Variants in RAB27B observed in about 807,000 individuals in gnomAD.
RAB27B encodes RAB27B, member RAS oncogene family.
RAB27B carries 15 observed loss-of-function variants against 24.6 expected under a neutral mutation model. The observed-to-expected ratio is 0.61, with a 90% CI of 0.41 to 0.94. The LOEUF (loss-of-function observed/expected upper bound fraction) is 0.94. Ranked by LOEUF, RAB27B falls within the 40% of genes least tolerant of loss-of-function variation. RAB27B has a pLI of 0.00. For missense variants in RAB27B, 261 were observed against 266.8 expected (o/e 0.98, Z 0.15); for synonymous variants, 105 against 92.5 (o/e 1.14, Z -0.78).
chr18:54,853,203 A>G (rs1305458101), intron 1 of RAB27B, among the ~76,000 whole-genome samples: 4 of 152,154 alleles, frequency 2.6e-5, no homozygotes, highest in Non-Finnish European at 4.4e-5. Context: ...TAACTTGGCA[A>G]TGTGTCAGTG....
At chr18:54,726,729 A>G (rs1909549907) in intron 2 of RAB27B, among the ~76,000 whole-genome samples, 1 of 151,490 alleles carries the variant, frequency 6.6e-6, no homozygotes, top group South Asian at 2.1e-4. Context: ...TCTTTGTATA[A>G]ACACTTCTAC....
chr18:54,777,394 C>T (rs1908750040), intron 2 of RAB27B, among the ~76,000 whole-genome samples: 1 of 152,148 alleles, frequency 6.6e-6, no homozygotes, highest in African/African-American at 2.4e-5. Context: ...AATGCATTGA[C>T]TTGAAAACTG....
rs200243724 is a variant in RAB27B, at chr18:54,888,125, C to T, written c.467+7C>T. 7 of 1,611,986 alleles carry T rather than the reference C, an allele frequency of 4.3e-6. No homozygotes were observed. In the Admixed American group the frequency reaches 1.2e-4, roughly 27 times the overall value. ...AACTGGCTGACAAATATGGGTAAGT[C>T]AGTTACACTGAGATGGCATGTGACT... On this transcript the variant is annotated splice_region_variant and intron_variant, in intron 5 of 5. Coordinates refer to ENST00000262094, the MANE Select transcript of RAB27B (RefSeq NM_004163.4).
chr18:54,724,064 T>C (rs886716393), intron 2 of RAB27B, among the ~76,000 whole-genome samples: 2 of 144,006 alleles, frequency 1.4e-5, no homozygotes, highest in African/African-American at 5.0e-5. Flanking sequence ...GTTTTTCAAA[T>C]GTGATTTTAG....
intron 2 of RAB27B, among the ~76,000 whole-genome samples, chr18:54,726,623 T>C (rs1205344257): frequency 6.6e-6 from 1 of 151,676 alleles, no homozygotes; most frequent in Admixed American, 6.6e-5. Flanking sequence ...ATTTTACCCA[T>C]ATTTTGAAGG....
chr18:54,782,350 G>A (rs4801067), intron 2 of RAB27B, among the ~76,000 whole-genome samples: 80,862 of 152,004 alleles, frequency 0.53, 22,495 homozygotes, highest in Middle Eastern at 0.63. Flanking sequence ...AAATTTAATC[G>A]TAAAGCCAAA....
intron 5 of RAB27B, among the ~76,000 whole-genome samples, chr18:54,888,862 A>G (rs1913251280): frequency 6.6e-6 from 1 of 152,152 alleles, no homozygotes; most frequent in Non-Finnish European, 1.5e-5. Context: ...ATTTCCAGAT[A>G]ATTGAGTGGA....
chr18:54,819,777 C>G (rs1910243666), intron 2 of RAB27B, among the ~76,000 whole-genome samples: 1 of 140,556 alleles, frequency 7.1e-6, no homozygotes, highest in Middle Eastern at 3.5e-3. Flanking sequence ...CCCCCTCCCC[C>G]ACCCCACAAC....
chr18:54,762,390 G>T (rs554968452), intron 2 of RAB27B, among the ~76,000 whole-genome samples: 18 of 152,100 alleles, frequency 1.2e-4, no homozygotes, highest in Middle Eastern at 3.4e-3. Context: ...AGGTTTCACC[G>T]TGTTGGCCAG....
At chr18:54,848,784 A>T (rs1911440085) in intron 1 of RAB27B, among the ~76,000 whole-genome samples, 1 of 152,036 alleles carries the variant, frequency 6.6e-6, no homozygotes, top group African/African-American at 2.4e-5. Flanking sequence ...AGGGGATAGG[A>T]GGGGTGTCTG....
intron 1 of RAB27B, among the ~76,000 whole-genome samples, chr18:54,858,485 C>T (rs188940906): frequency 2.0e-5 from 3 of 151,416 alleles, no homozygotes; most frequent in Admixed American, 1.3e-4. Context: ...CCCGTGTTCA[C>T]GCCATTCTCC....
intron 2 of RAB27B, among the ~76,000 whole-genome samples, chr18:54,755,667 C>T (rs1049072354): frequency 6.6e-6 from 1 of 152,168 alleles, no homozygotes; most frequent in East Asian, 1.9e-4. Context: ...CACTACTTTG[C>T]AGTAATTTTA....
intron 2 of RAB27B, among the ~76,000 whole-genome samples, chr18:54,726,870 G>A (rs1909554367): frequency 6.6e-6 from 1 of 152,112 alleles, no homozygotes; most frequent in Admixed American, 6.5e-5. Flanking sequence ...AATGGGTTTT[G>A]CATGTTGGCA....
chr18:54,864,998 A>T (rs2145245040), intron 1 of RAB27B, among the ~76,000 whole-genome samples: 1 of 152,246 alleles, frequency 6.6e-6, no homozygotes, highest in East Asian at 1.9e-4. Flanking sequence ...TGTTTTAAAG[A>T]CTAAATGTGT....
chr18:54,795,875 A>G (rs777694891), intron 2 of RAB27B, among the ~76,000 whole-genome samples: 5 of 152,198 alleles, frequency 3.3e-5, no homozygotes, highest in Non-Finnish European at 5.9e-5. Flanking sequence ...ATTTATCATT[A>G]GCATTTTTAT....
intron 1 of RAB27B, among the ~76,000 whole-genome samples, chr18:54,871,890 GTTAAT>G (rs1387349987): frequency 6.7e-6 from 1 of 150,090 alleles, no homozygotes; most frequent in Non-Finnish European, 1.5e-5. Flanking sequence ...GTTGGTTTCT[GTTAAT>G]TTAATACGTT....
chr18:54,768,545 T>G (rs937678460), intron 2 of RAB27B, among the ~76,000 whole-genome samples: 1 of 152,132 alleles, frequency 6.6e-6, no homozygotes, highest in African/African-American at 2.4e-5. Context: ...TAAACTACCT[T>G]CTCAAGGTAA....
At chr18:54,874,680 C>T (rs185741786) in intron 1 of RAB27B, among the ~76,000 whole-genome samples, 5 of 152,248 alleles carry the variant, frequency 3.3e-5, no homozygotes, top group Admixed American at 2.0e-4. Context: ...TTCAATTTCA[C>T]ACCCCCACTG....
At chr18:54,882,161 T>C (rs1192469386) in intron 3 of RAB27B, among the ~76,000 whole-genome samples, 1 of 152,194 alleles carries the variant, frequency 6.6e-6, no homozygotes, top group Non-Finnish European at 1.5e-5. Context: ...GATGATGCCC[T>C]ACAGACAAAT....
Sources: allele counts gnomAD v4.1 joint callset (sites outside exome capture counted in the v4.1 genomes callset), GRCh38; gene constraint gnomAD v4.1.1; transcripts MANE v1.5; gene names NCBI Gene and HGNC (gene_info 2026-07-23, HGNC 2026-07-21).